Variants in DOCK4 observed in about 807,000 individuals in gnomAD.
DOCK4 encodes dedicator of cytokinesis protein 4.
A neutral mutation model predicts 268.1 loss-of-function variants in DOCK4; 97 were observed. The observed-to-expected ratio is 0.36, with a 90% CI of 0.31 to 0.43. The LOEUF is 0.43. Ranked by LOEUF, DOCK4 falls within the 20% of genes least tolerant of loss-of-function variation. DOCK4 has a pLI of 1.00. For synonymous variants in DOCK4, 954 were observed against 887.2 expected (o/e 1.08, Z -1.34); for missense variants, 2,145 against 2,455.7 (o/e 0.87, Z 2.67).
intron 1 of DOCK4, among the ~76,000 whole-genome samples, chr7:112,012,719 A>G (rs557361098): frequency 2.6e-5 from 4 of 152,306 alleles, no homozygotes; most frequent in South Asian, 2.1e-4. Context: ...TTCAAATAAT[A>G]TTATTTAAGA....
intron 12 of DOCK4, among the ~76,000 whole-genome samples, chr7:111,922,321 T>G (rs1037527577): frequency 2.0e-5 from 3 of 152,258 alleles, no homozygotes; most frequent in African/African-American, 7.2e-5. Flanking sequence ...TCTTATTTGC[T>G]TATTTATCTC....
chr7:111,944,712 T>A, intron 10 of DOCK4, 99 bp downstream of exon 10: 1 of 1,192,792 alleles, frequency 8.4e-7, no homozygotes, highest in African/African-American at 1.5e-5. Context: ...TTGATATCTT[T>A]CTGATTCAGA....
At chr7:111,889,273 T>G (rs538949749) in intron 16 of DOCK4, among the ~76,000 whole-genome samples, 4 of 152,300 alleles carry the variant, frequency 2.6e-5, no homozygotes, top group African/African-American at 9.6e-5. Context: ...AGTGATCAAT[T>G]CTTCTATACC....
In DOCK4 at chr7:111,964,278, A is replaced by T. The variant is rs1202404991; in HGVS notation, c.701+12854T>A. 1.8e-5 allele frequency among the ~76,000 whole-genome samples: 2 copies of T among 109,892 alleles called. 1 individual carries two copies. Among genetic ancestry groups the T allele is most frequent in the African/African-American group, 1.0e-4 (2 of 19,566 alleles). The allele number at this position is 109,892 out of a possible 152,430, so 72.1% of individuals were successfully genotyped here. A position where few individuals can be genotyped will look rare whatever the true frequency, so the allele number is the denominator to read the frequency against. ...CTCTGAGCTACGGGAGGACATTCAAACCAAAGGCAAAGAAGTTGAAAACTT... is the reference window on the plus strand; with the variant it reads ...CTCTGAGCTACGGGAGGACATTCAATCCAAAGGCAAAGAAGTTGAAAACTT... On this transcript the variant is annotated intron_variant, in intron 8 of 52. Coordinates refer to ENST00000428084, the MANE Select transcript of DOCK4 (RefSeq NM_001363540.2).
intron 1 of DOCK4, among the ~76,000 whole-genome samples, chr7:112,196,702 G>GA (rs1212708464): frequency 6.6e-6 from 1 of 152,112 alleles, no homozygotes; most frequent in Non-Finnish European, 1.5e-5. Context: ...AGGCCTCTCT[G>GA]TTTAATAAGG....
intron 32 of DOCK4, chr7:111,784,509 C>T: frequency 2.1e-6 from 1 of 473,214 alleles, no homozygotes; most frequent in Admixed American, 2.3e-5. Flanking sequence ...CCACTCAATA[C>T]ATATTGTACT....
At chr7:111,737,101 G>T in intron 49 of DOCK4, 112 bp from the exon 50 acceptor site, 2 of 888,246 alleles carry the variant, frequency 2.3e-6, no homozygotes, top group Non-Finnish European at 3.5e-6. Context: ...AATAATTTTT[G>T]TGTGATATGA....
intron 1 of DOCK4, among the ~76,000 whole-genome samples, chr7:112,107,992 GCAA>G (rs932990401): frequency 8.3e-4 from 126 of 152,170 alleles, no homozygotes; most frequent in African/African-American, 2.7e-3. Flanking sequence ...GACTTCACAT[GCAA>G]CAACAATAAC....
At chr7:112,118,960 T>TC (rs1267720131) in intron 1 of DOCK4, among the ~76,000 whole-genome samples, 6 of 152,210 alleles carry the variant, frequency 3.9e-5, no homozygotes, top group African/African-American at 9.6e-5. Flanking sequence ...TACATATAGC[T>TC]CGTACGCATC....
chr7:111,786,121 G>A (rs1328481725), intron 32 of DOCK4, among the ~76,000 whole-genome samples: 1 of 152,142 alleles, frequency 6.6e-6, no homozygotes, highest in East Asian at 1.9e-4. Context: ...GTCTCCAAAT[G>A]GTAATTAAAT....
intron 39 of DOCK4, among the ~76,000 whole-genome samples, chr7:111,760,930 T>C (rs918345388): frequency 1.3e-5 from 2 of 152,134 alleles, no homozygotes; most frequent in Non-Finnish European, 2.9e-5. Flanking sequence ...ATTTTAATGA[T>C]AATGAAGTTG....
chr7:112,155,841 T>C (rs2214431), intron 1 of DOCK4, among the ~76,000 whole-genome samples: 104,860 of 152,146 alleles, frequency 0.69, 36,437 homozygotes, highest in East Asian at 0.85. Context: ...TACATCTGCA[T>C]GATCCTATGT....
At chr7:111,889,094 C>T (rs947393660) in intron 16 of DOCK4, among the ~76,000 whole-genome samples, 1 of 152,116 alleles carries the variant, frequency 6.6e-6, no homozygotes, top group African/African-American at 2.4e-5. Flanking sequence ...TCCCTAAGTG[C>T]TAGGACTAAG....
intron 1 of DOCK4, among the ~76,000 whole-genome samples, chr7:112,164,127 A>T (rs185724772): frequency 3.9e-5 from 6 of 152,102 alleles, no homozygotes; most frequent in African/African-American, 7.2e-5. Context: ...TACCAAAAAA[A>T]TTTTTTTAAT....
At chr7:111,944,205 T>C (rs1342994100) in intron 10 of DOCK4, among the ~76,000 whole-genome samples, 1 of 152,212 alleles carries the variant, frequency 6.6e-6, no homozygotes, top group Admixed American at 6.5e-5. Flanking sequence ...AAGTGCTACA[T>C]TATATAAGTG....
chr7:111,915,940 A>G, intron 12 of DOCK4, 36 bp from the exon 13 acceptor site: 1 of 1,588,540 alleles, frequency 6.3e-7, no homozygotes, highest in African/African-American at 1.3e-5. Flanking sequence ...TTAAAAACAG[A>G]ATAGAAATAG....
At chr7:111,961,432 A>G (rs1164152734) in intron 8 of DOCK4, among the ~76,000 whole-genome samples, 1 of 152,208 alleles carries the variant, frequency 6.6e-6, no homozygotes, top group Non-Finnish European at 1.5e-5. Flanking sequence ...ATGCTTTCAT[A>G]GTGAGTGAAT....
intron 6 of DOCK4, among the ~76,000 whole-genome samples, chr7:111,984,662 G>C (rs950372680): frequency 6.6e-6 from 1 of 152,202 alleles, no homozygotes; most frequent in Non-Finnish European, 1.5e-5. Flanking sequence ...GGGGGCCTTA[G>C]CACCACATGG....
At chr7:112,119,086 T>G (rs955243014) in intron 1 of DOCK4, among the ~76,000 whole-genome samples, 4 of 152,036 alleles carry the variant, frequency 2.6e-5, no homozygotes, top group Non-Finnish European at 4.4e-5. Context: ...AAAACACCCA[T>G]AGACAATGGC....
Sources: allele counts gnomAD v4.1 joint callset (sites outside exome capture counted in the v4.1 genomes callset), GRCh38; gene constraint gnomAD v4.1.1; transcripts MANE v1.5; gene names NCBI Gene and HGNC (gene_info 2026-07-23, HGNC 2026-07-21).